The following GPR18 variants were observed in gnomAD, a reference collection of about 807,000 sequenced individuals.
GPR18 encodes N-arachidonyl glycine receptor.
Under a neutral mutation model 22.8 loss-of-function variants are expected in GPR18, and 20 were observed. That is an observed-to-expected ratio of 0.88 (90% CI 0.62 to 1.28). GPR18 has a LOEUF of 1.28. Ranked by LOEUF, GPR18 falls within the 50% of genes most tolerant of loss-of-function variation. GPR18 has a pLI of 0.00. For missense variants in GPR18, 379 were observed against 412.0 expected (o/e 0.92, Z 0.69); for synonymous variants, 160 against 155.3 (o/e 1.03, Z -0.22).
In GPR18 at chr13:99,255,731, T is replaced by C; in HGVS notation, c.142A>G (p.Ser48Gly). ...GTGGTTCTCTTCTTGGTGGTACAACTGAAAACCCATAATGCAGTGATGTTA... is the reference window on the plus strand; with the variant it reads ...GTGGTTCTCTTCTTGGTGGTACAACCGAAAACCCATAATGCAGTGATGTTA... Reference protein sequence around the residue: ...FVNITALWVFSCTTKKRTTVT... With the variant: ...FVNITALWVFGCTTKKRTTVT... Residue 48 changes from serine to glycine, a missense_variant, in exon 2 of 2, where the codon AGT becomes GGT. Transcript: ENST00000397470. The C allele has an allele frequency of 1.2e-6, 2 of 1,614,068 alleles. No homozygotes were observed. The highest frequency in any genetic ancestry group is 8.5e-7 in the Non-Finnish European group (1 of 1,179,978).
chr13:99,257,254 C>T (rs368786123), intron 1 of GPR18, among the ~76,000 whole-genome samples: 1 of 152,186 alleles, frequency 6.6e-6, no homozygotes, highest in African/African-American at 2.4e-5. Flanking sequence ...GAAAGTGCTA[C>T]AGAGAAAAAT....
chr13:99,258,092 A>C (rs1339803313), intron 1 of GPR18, 62 bp downstream of exon 1: 4 of 152,244 alleles, frequency 2.6e-5, no homozygotes, highest in Non-Finnish European at 4.4e-5. Context: ...ATGATTTTTG[A>C]AATGCAGTAC....
At chr13:99,257,968 G>T (rs1368435707) in intron 1 of GPR18, among the ~76,000 whole-genome samples, 186 bp downstream of exon 1, 1 of 152,074 alleles carries the variant, frequency 6.6e-6, no homozygotes, top group Non-Finnish European at 1.5e-5. Flanking sequence ...TTTTAATAGA[G>T]ACGGGGTCTC....
At position 99,255,810 on chromosome 13, in the gene GPR18, G is replaced by C; in HGVS notation, c.63C>G (p.Tyr21Ter). ...TATAGAAGACAAGGGCTGCAATTTT[G>C]TATTCATCTGGATGTGAGCTGTTAA... ...VPFNSSHPDE[Y>*]KIAALVFYSC... The change falls in exon 2 of 2, where the codon TAC becomes TAG. Residue 21 changes from tyrosine to a stop codon, truncating the protein, a stop_gained. Coordinates refer to ENST00000397470, the MANE Select transcript of GPR18 (RefSeq NM_001098200.2). LOFTEE classifies it high-confidence loss of function. The C allele has an allele frequency of 6.2e-7, 1 of 1,610,212 alleles. No individual in the cohort carries two copies. Among genetic ancestry groups the C allele is most frequent in the Non-Finnish European group, 8.5e-7 (1 of 1,178,038 alleles).
chr13:99,255,219 C>T lies in GPR18; in HGVS notation c.654G>A (p.Arg218=). 6.2e-7 allele frequency: 1 copy of T among 1,614,076 alleles called. No individual in the cohort carries two copies. Among genetic ancestry groups the T allele is most frequent in the Admixed American group, 1.7e-5 (1 of 60,016 alleles). The change falls in exon 2 of 2, where the codon AGG becomes AGA. Residue 218 remains arginine, a synonymous_variant. Transcript: ENST00000397470. ...LVIIHNLLHG[R]TSKLKPKVKE... Reference sequence around the variant, plus strand: ...TGACTTTGGGTTTCAGCTTAGACGTCCTGCCGTGAAGGAGATTATGAATAA... The same window carrying T: ...TGACTTTGGGTTTCAGCTTAGACGTTCTGCCGTGAAGGAGATTATGAATAA...
rs1397678600 is a variant in GPR18 at position 99,258,308 on chromosome 13, C to CT, written c.-190dup. 2 of 152,204 alleles carry CT rather than the reference C, an allele frequency of 1.3e-5. No individual in the cohort carries two copies. The highest frequency in any genetic ancestry group is 2.9e-5 in the Non-Finnish European group (2 of 68,044). 9.4% of individuals were successfully genotyped at this position (152,204 alleles called of 1,614,324 possible). A position where few individuals can be genotyped will look rare whatever the true frequency, so the allele number is the denominator to read the frequency against. ...TATTTTGTTTTAGACTCTTTTGTTG[C>CT]TTTAAAAAGTAGTTTCCAGTGTAAC... On this transcript the variant is annotated 5_prime_UTR_variant, in exon 1 of 2. Transcript: ENST00000397470.
intron 1 of GPR18, 39 bp from the exon 2 acceptor site, chr13:99,255,945 G>A: frequency 2.6e-5 from 36 of 1,366,740 alleles, no homozygotes; most frequent in South Asian, 1.3e-4. Flanking sequence ...TAAAATCGTT[G>A]GTTAAAAAAT....
At position 99,255,334 on chromosome 13, in the gene GPR18, T is replaced by C. The variant is rs746564668; in HGVS notation, c.539A>G (p.Tyr180Cys). Residue 180 changes from tyrosine to cysteine, a missense_variant, in exon 2 of 2, where the codon TAT (tyrosine) becomes TGT (cysteine). Coordinates refer to ENST00000397470, the MANE Select transcript of GPR18 (RefSeq NM_001098200.2). Reference protein sequence around the residue: ...ATCLKISDIIYLKAVNVLNLT... With the variant: ...ATCLKISDIICLKAVNVLNLT... ...GTTCAGCACGTTCACAGCTTTTAGATAGATGATGTCAGAAATCTTGAGGCA... is the reference window on the plus strand; with the variant it reads ...GTTCAGCACGTTCACAGCTTTTAGACAGATGATGTCAGAAATCTTGAGGCA... The C allele has an allele frequency of 5.0e-6, 8 of 1,614,016 alleles. No individual in the cohort carries two copies. Among genetic ancestry groups the C allele is most frequent in the East Asian group, 2.2e-5 (1 of 44,898 alleles).
chr13:99,255,970 C>T lies in GPR18; in HGVS notation c.-34-64G>A, dbSNP rs150488971. Reference sequence around the variant, plus strand: ...GGTTAAAAAATAAATGCTTAACATTCTCCCACTCAGCTTGACTGCCAGTGA... The same window carrying T: ...GGTTAAAAAATAAATGCTTAACATTTTCCCACTCAGCTTGACTGCCAGTGA... On this transcript the variant is annotated intron_variant, in intron 1 of 1. Transcript: ENST00000397470. 48 of 1,189,940 alleles carry T rather than the reference C, an allele frequency of 4.0e-5. No individual in the cohort carries two copies. In the East Asian group the frequency reaches 1.0e-3, roughly 26 times the overall value. 73.7% of individuals were successfully genotyped at this position (1,189,940 alleles called of 1,614,324 possible).
chr13:99,254,896 A>G lies in GPR18; in HGVS notation c.977T>C (p.Ile326Thr), dbSNP rs555756794. The G allele has an allele frequency of 6.2e-6, 10 of 1,613,254 alleles. No homozygotes were observed. The highest frequency in any genetic ancestry group is 4.5e-5 in the East Asian group (2 of 44,882). ...TATTATTCATAACATTTCACTGTTT[A>G]TATTGCTTAGTGACCGTAGACTACC... ...RSGSLRSLSNINSEML is the reference protein window; with the variant it reads ...RSGSLRSLSNTNSEML Residue 326 changes from isoleucine to threonine, a missense_variant, in exon 2 of 2, where the codon ATA becomes ACA. By Grantham distance (89) the Ile-to-Thr change is moderately conservative (BLOSUM62 -1). Transcript: ENST00000397470.
rs755626668 is a variant in GPR18, at chr13:99,255,506, T to C, written c.367A>G (p.Ile123Val). The change falls in exon 2 of 2, where the codon ATT (isoleucine) becomes GTT (valine). Residue 123 changes from isoleucine to valine, a missense_variant. Coordinates refer to ENST00000397470, the MANE Select transcript of GPR18 (RefSeq NM_001098200.2). The part of the protein sequence containing the change: ...AFISADRYMA[I>V]VQPKYAKELK... ...TCTTTGGCGTACTTCGGCTGTACAA[T>C]GGCCATGTATCTGTCAGCACTAATA... 2 of 1,614,040 alleles carry C rather than the reference T, an allele frequency of 1.2e-6. No homozygotes were observed. Among genetic ancestry groups the C allele is most frequent in the Non-Finnish European group, 1.7e-6 (2 of 1,180,038 alleles).
chr13:99,256,144 A>G (rs1449409424), intron 1 of GPR18, among the ~76,000 whole-genome samples: 2 of 152,204 alleles, frequency 1.3e-5, no homozygotes, highest in Non-Finnish European at 2.9e-5. Flanking sequence ...TAGGTACTCA[A>G]TAAATAAATA....
At chr13:99,256,637 A>G (rs180862786) in intron 1 of GPR18, 1 of 152,228 alleles carries the variant, frequency 6.6e-6, no homozygotes, top group East Asian at 1.9e-4. Flanking sequence ...AGGAGTATCT[A>G]AGACAAGTAG....
Position 99,255,618 on chromosome 13 carries a change from A to G in GPR18, c.255T>C (p.Asp85=). The G allele has an allele frequency of 1.2e-6, 2 of 1,614,212 alleles. No individual in the cohort carries two copies. The highest frequency in any genetic ancestry group is 1.7e-6 in the Non-Finnish European group (2 of 1,180,018). ...LPFRMFYYAK[D]EWPFGEYFCQ... is the part of the protein sequence containing the mutation. ...AGAAGTACTCTCCAAATGGCCATTC[A>G]TCTTTTGCATAATAAAACATTCGAA... is the stretch of plus-strand genomic sequence containing the variant. Residue 85 remains aspartate (D), a synonymous_variant, in exon 2 of 2, where the codon GAT becomes GAC. Transcript: ENST00000397470.
chr13:99,255,314 G>T lies in GPR18; in HGVS notation c.559C>A (p.Leu187Met), dbSNP rs41279138. The stretch of plus-strand genomic sequence containing the variant: ...AAAAATGTCAGTCGAGTGAGGTTCA[G>T]CACGTTCACAGCTTTTAGATAGATG... The part of the protein sequence containing the change: ...DIIYLKAVNV[L>M]NLTRLTFFFL... Residue 187 changes from leucine to methionine, a missense_variant, in exon 2 of 2, where the codon CTG (leucine) becomes ATG (methionine). By Grantham distance (15) the Leu-to-Met change is conservative (BLOSUM62 2). Coordinates refer to ENST00000397470, the MANE Select transcript of GPR18 (RefSeq NM_001098200.2). The T allele has an allele frequency of 4.7e-3, 7,585 of 1,614,134 alleles. 19 individuals are homozygous for T. The highest frequency in any genetic ancestry group is 5.9e-3 in the Non-Finnish European group (6,943 of 1,180,020).
chr13:99,257,402 A>G, intron 1 of GPR18, among the ~76,000 whole-genome samples: 1 of 152,186 alleles, frequency 6.6e-6, no homozygotes, highest in Non-Finnish European at 1.5e-5. Context: ...TTAGTATTGC[A>G]TCAGGACTCC....
At chr13:99,257,467 A>G (rs751537691) in intron 1 of GPR18, among the ~76,000 whole-genome samples, 3 of 152,156 alleles carry the variant, frequency 2.0e-5, no homozygotes, top group Non-Finnish European at 4.4e-5. Context: ...CTTACAAACC[A>G]TCTTGAGTCT....
Position 99,258,250 on chromosome 13 carries a change from T to A in GPR18, c.-131A>T, listed in dbSNP as rs1248395911. ...TTTGAGTTGCTTCTGTTAAAATAGCTCTTTCTGGAAACAGTGTATTTAAGA... is the reference window on the plus strand; with the variant it reads ...TTTGAGTTGCTTCTGTTAAAATAGCACTTTCTGGAAACAGTGTATTTAAGA... On this transcript the variant is annotated 5_prime_UTR_variant, in exon 1 of 2. Coordinates refer to ENST00000397470, the MANE Select transcript of GPR18 (RefSeq NM_001098200.2). 1 of 152,242 alleles carries A rather than the reference T, an allele frequency of 6.6e-6. No homozygotes were observed. The highest frequency in any genetic ancestry group is 1.9e-4 in the East Asian group (1 of 5,204). 9.4% of individuals were successfully genotyped at this position (152,242 alleles called of 1,614,324 possible).
At chr13:99,255,942 G>T in intron 1 of GPR18, 36 bp from the exon 2 acceptor site, 1 of 1,397,934 alleles carries the variant, frequency 7.2e-7, no homozygotes, top group Non-Finnish European at 9.6e-7. Flanking sequence ...GAATAAAATC[G>T]TTGGTTAAAA....
Sources: gnomAD v4.1 joint callset for allele counts (sites outside exome capture counted in the v4.1 genomes callset) on GRCh38, gnomAD v4.1.1 for gene constraint, MANE v1.5 for transcripts, NCBI Gene and HGNC (gene_info 2026-07-23, HGNC 2026-07-21) for gene names.